Variants in RBFOX1 observed in about 807,000 individuals in gnomAD.
RBFOX1 encodes RNA binding fox-1 homolog 1, also known as RNA binding protein fox-1 homolog 1.
RBFOX1 carries 8 observed loss-of-function variants against 57.7 expected under a neutral mutation model. The observed-to-expected ratio is 0.14, with a 90% CI of 0.08 to 0.25. The LOEUF is 0.25. Ranked by LOEUF, RBFOX1 falls within the 10% of genes least tolerant of loss-of-function variation. The pLI is 1.00. For synonymous variants in RBFOX1, 326 were observed against 222.4 expected (o/e 1.47, Z -4.15); for missense variants, 611 against 548.5 (o/e 1.11, Z -1.14).
intron 3 of RBFOX1, among the ~76,000 whole-genome samples, chr16:7,048,818 A>G (rs1478781599): frequency 6.6e-6 from 1 of 152,264 alleles, no homozygotes; most frequent in African/African-American, 2.4e-5. Context: ...ATATTGTGTT[A>G]GGAGACTCTA....
chr16:6,804,785 A>T (rs536420295), intron 3 of RBFOX1, among the ~76,000 whole-genome samples: 2 of 152,228 alleles, frequency 1.3e-5, no homozygotes, highest in South Asian at 4.2e-4. Context: ...TCCCTACTCT[A>T]TTGCCAAGTA....
At chr16:6,968,111 A>C (rs543002938) in intron 3 of RBFOX1, among the ~76,000 whole-genome samples, 2 of 152,152 alleles carry the variant, frequency 1.3e-5, no homozygotes, top group East Asian at 3.9e-4. Flanking sequence ...TGTGGCTCTG[A>C]ACTTGCAACC....
At chr16:7,104,848 C>G (rs919358699) in intron 4 of RBFOX1, among the ~76,000 whole-genome samples, 5 of 152,130 alleles carry the variant, frequency 3.3e-5, no homozygotes, top group Non-Finnish European at 7.4e-5. Flanking sequence ...CAAGGGAGAA[C>G]TCACTGGTGT....
chr16:5,307,592 C>G (rs557447053), intron 1 of RBFOX1, among the ~76,000 whole-genome samples: 9 of 152,324 alleles, frequency 5.9e-5, no homozygotes, highest in African/African-American at 1.9e-4. Context: ...CAACACATAC[C>G]TGATCTCACA....
chr16:5,733,370 G>C (rs538049406), intron 3 of RBFOX1, among the ~76,000 whole-genome samples: 17 of 152,264 alleles, frequency 1.1e-4, no homozygotes, highest in Admixed American at 7.2e-4. Flanking sequence ...GGCCACTGGG[G>C]AAGCAACTTA....
At chr16:5,629,910 G>A (rs2191096) in intron 3 of RBFOX1, among the ~76,000 whole-genome samples, 12,365 of 152,166 alleles carry the variant, frequency 0.081, 1,638 homozygotes, top group African/African-American at 0.28. Context: ...GTGTTGTAGG[G>A]AGGAGTCAGT....
chr16:7,197,927 G>T (rs1034018352), intron 4 of RBFOX1, among the ~76,000 whole-genome samples: 1 of 149,940 alleles, frequency 6.7e-6, no homozygotes, highest in African/African-American at 2.5e-5. Flanking sequence ...GAGTGTAACT[G>T]AAAAATGATC....
At chr16:5,666,024 C>T (rs2049833442) in intron 3 of RBFOX1, among the ~76,000 whole-genome samples, 1 of 152,242 alleles carries the variant, frequency 6.6e-6, no homozygotes, top group Non-Finnish European at 1.5e-5. Context: ...TCAAACCAGT[C>T]AGAGCCTACA....
intron 4 of RBFOX1, among the ~76,000 whole-genome samples, chr16:7,176,230 G>C (rs2081618317): frequency 6.7e-6 from 1 of 150,232 alleles, no homozygotes; most frequent in Non-Finnish European, 1.5e-5. Context: ...AATAATTCTT[G>C]GTTCTTAAAA....
intron 1 of RBFOX1, among the ~76,000 whole-genome samples, chr16:5,351,938 G>C (rs1231695118): frequency 6.6e-6 from 1 of 152,010 alleles, no homozygotes; most frequent in Non-Finnish European, 1.5e-5. Context: ...CGAGTAGCTG[G>C]GATTACAGGC....
intron 1 of RBFOX1, among the ~76,000 whole-genome samples, chr16:6,277,811 A>T (rs553047228): frequency 7.5e-4 from 114 of 152,292 alleles, no homozygotes; most frequent in African/African-American, 2.7e-3. Flanking sequence ...TGCTAGAGAC[A>T]TACAAGATTC....
At chr16:5,330,267 C>T (rs2064713998) in intron 1 of RBFOX1, among the ~76,000 whole-genome samples, 2 of 152,152 alleles carry the variant, frequency 1.3e-5, no homozygotes, top group Admixed American at 6.5e-5. Flanking sequence ...CGAATCTAAC[C>T]TTAGTCTCCT....
At chr16:7,502,676 A>C (rs2071362204) in intron 4 of RBFOX1, among the ~76,000 whole-genome samples, 1 of 152,134 alleles carries the variant, frequency 6.6e-6, no homozygotes, top group African/African-American at 2.4e-5. Context: ...ACATGTGGTG[A>C]GGCATAAACT....
At chr16:5,271,838 A>C (rs1446153858) in intron 1 of RBFOX1, among the ~76,000 whole-genome samples, 5 of 152,158 alleles carry the variant, frequency 3.3e-5, no homozygotes, top group South Asian at 2.1e-4. Flanking sequence ...ATGTAAGTAA[A>C]ATCATGCAGT....
chr16:7,196,815 G>A (rs2086817369), intron 4 of RBFOX1, among the ~76,000 whole-genome samples: 1 of 152,100 alleles, frequency 6.6e-6, no homozygotes, highest in Admixed American at 6.5e-5. Context: ...GATGATTTAT[G>A]GAAGGGTGTT....
chr16:7,479,519 A>G (rs1334876155), intron 4 of RBFOX1, among the ~76,000 whole-genome samples: 8 of 152,250 alleles, frequency 5.3e-5, no homozygotes, highest in East Asian at 3.9e-4. Context: ...GCTGCTGTCT[A>G]TGGGAAAGGA....
intron 3 of RBFOX1, among the ~76,000 whole-genome samples, chr16:6,868,744 T>G (rs1275854771): frequency 6.6e-6 from 1 of 152,178 alleles, no homozygotes; most frequent in African/African-American, 2.4e-5. Flanking sequence ...GTGCTGAGAT[T>G]ATAGGCATGA....
intron 4 of RBFOX1, among the ~76,000 whole-genome samples, chr16:7,175,085 A>G (rs1023053326): frequency 8.6e-5 from 13 of 150,362 alleles, no homozygotes; most frequent in Admixed American, 6.6e-4. Context: ...CAGGATGTGC[A>G]CGTTTGTTAC....
chr16:7,225,638 A>G (rs781168414), intron 4 of RBFOX1, among the ~76,000 whole-genome samples: 8 of 151,324 alleles, frequency 5.3e-5, no homozygotes, highest in African/African-American at 9.7e-5. Flanking sequence ...TGTGGTGGCA[A>G]TGGATGATTT....
Sources: allele counts gnomAD v4.1 joint callset (sites outside exome capture counted in the v4.1 genomes callset), GRCh38; gene constraint gnomAD v4.1.1; transcripts MANE v1.5; gene names NCBI Gene and HGNC (gene_info 2026-07-23, HGNC 2026-07-21).